The following GABRA5 variants were observed in gnomAD, a reference collection of about 807,000 sequenced individuals.
The protein encoded by GABRA5 is gamma-aminobutyric acid receptor subunit alpha-5.
A neutral mutation model predicts 47.3 loss-of-function variants in GABRA5; 18 were observed. That is an observed-to-expected ratio of 0.38 (90% CI 0.26 to 0.56). The LOEUF (loss-of-function observed/expected upper bound fraction) is 0.56. GABRA5 is among the 20% of genes least tolerant of loss of function. The probability of loss-of-function intolerance (pLI) is 0.71; values close to 1 mark genes in which losing one functional copy is unlikely to be tolerated. For missense variants in GABRA5, 365 were observed against 599.3 expected, an observed-to-expected ratio of 0.61 and a Z score of 4.08; for synonymous variants, 237 against 229.3, an observed-to-expected ratio of 1.03 and a Z score of -0.30.
At chr15:26,936,618 C>T (rs1281974717) in intron 7 of GABRA5, among the ~76,000 whole-genome samples, 2 of 152,178 alleles carry the variant, frequency 1.3e-5, no homozygotes, top group East Asian at 3.9e-4. Context: ...AGTGTGACAC[C>T]AGGGGTGCAG....
chr15:26,893,164 G>A (rs1386234746), intron 6 of GABRA5, among the ~76,000 whole-genome samples: 1 of 144,150 alleles, frequency 6.9e-6, no homozygotes, highest in Non-Finnish European at 1.5e-5. Flanking sequence ...GCGTGTGTGG[G>A]GTGTGTATGT....
rs143362087 is a variant in GABRA5, at chr15:26,908,146, T to A, written c.498-6657T>A. On this transcript the variant is annotated intron_variant, in intron 6 of 10. Coordinates refer to ENST00000335625, the MANE Select transcript of GABRA5 (RefSeq NM_000810.4). ...TGTATGCATGCATATGTATTTCAGT[T>A]CTTTTTAATTGAATATTTGGATCAG... is the stretch of plus-strand genomic sequence containing the variant. Among the ~76,000 whole-genome samples the A allele has an allele frequency of 2.5e-3, 388 of 152,332 alleles. 1 individual carries two copies. The highest frequency in any genetic ancestry group is 8.9e-3 in the African/African-American group (371 of 41,566).
At chr15:26,889,983 A>C (rs904846725) in intron 6 of GABRA5, among the ~76,000 whole-genome samples, 1 of 152,240 alleles carries the variant, frequency 6.6e-6, no homozygotes, top group Non-Finnish European at 1.5e-5. Flanking sequence ...ATAGCTTTAC[A>C]ATTTTAAAAT....
intron 7 of GABRA5, among the ~76,000 whole-genome samples, chr15:26,932,763 C>T (rs1434705749): frequency 6.6e-6 from 1 of 152,152 alleles, no homozygotes; most frequent in Non-Finnish European, 1.5e-5. Flanking sequence ...TACATATATA[C>T]CGTGGAATAC....
Position 26,883,580 on chromosome 15 carries a change from C to T in GABRA5, c.497+23C>T. The T allele has an allele frequency of 3.8e-6, 2 of 529,070 alleles. No individual in the cohort carries two copies. The allele number at this position is 529,070 out of a possible 1,614,324, so 32.8% of individuals were successfully genotyped here. ...GCGGTGAGCGCCGGGCGGGGGCGGG[C>T]GGGGCCGGGGGACGGTGCGGGGCAG... On this transcript the variant is annotated intron_variant, in intron 6 of 10. Transcript: ENST00000335625. The surrounding 1 kb of genome is among the most constrained non-coding windows in gnomAD (Gnocchi z 4.8).
At chr15:26,934,598 G>A (rs779151015) in intron 7 of GABRA5, among the ~76,000 whole-genome samples, 13 of 152,128 alleles carry the variant, frequency 8.5e-5, no homozygotes, top group Admixed American at 1.3e-4. Flanking sequence ...AGTCAGGTGC[G>A]TGCTAAATAC....
At chr15:26,923,786 A>G (rs1489248226) in intron 7 of GABRA5, among the ~76,000 whole-genome samples, 1 of 152,050 alleles carries the variant, frequency 6.6e-6, no homozygotes, top group East Asian at 1.9e-4. Context: ...TCTGTTTTAC[A>G]GATTGGACAA....
intron 6 of GABRA5, among the ~76,000 whole-genome samples, chr15:26,891,289 G>A (rs1466462437): frequency 6.6e-6 from 1 of 152,186 alleles, no homozygotes; most frequent in Admixed American, 6.5e-5. Context: ...AGAAACCAGA[G>A]CTTCAGAAAT....
intron 7 of GABRA5, among the ~76,000 whole-genome samples, chr15:26,930,190 T>C (rs539992177): frequency 6.6e-6 from 1 of 152,094 alleles, no homozygotes; most frequent in South Asian, 2.1e-4. Flanking sequence ...TTTTTGTATT[T>C]TTAGTAAAGA....
intron 7 of GABRA5, among the ~76,000 whole-genome samples, chr15:26,927,142 C>T (rs969638939): frequency 1.6e-4 from 25 of 151,938 alleles, no homozygotes; most frequent in African/African-American, 5.3e-4. Flanking sequence ...CTCACACTCT[C>T]ACCCTGGCTG....
rs1266152993 is a variant in GABRA5, at chr15:26,869,208, T to C, written c.-41T>C. ...ACAAGCTGGAGAAGGGAAGAGTTAT[T>C]CCTCCATATTCACCTGCTTCAACTA... is the stretch of plus-strand genomic sequence containing the variant. On this transcript the variant is annotated 5_prime_UTR_variant, in exon 3 of 11. Coordinates refer to ENST00000335625, the MANE Select transcript of GABRA5 (RefSeq NM_000810.4). 8.5e-7 allele frequency: 1 copy of C among 1,171,006 alleles called. No homozygotes were observed. The highest frequency in any genetic ancestry group is 1.5e-5 in the African/African-American group (1 of 66,402). 72.5% of individuals were successfully genotyped at this position (1,171,006 alleles called of 1,614,324 possible). A position where few individuals can be genotyped will look rare whatever the true frequency, so the allele number is the denominator to read the frequency against.
At chr15:26,930,235 A>T (rs1894066946) in intron 7 of GABRA5, among the ~76,000 whole-genome samples, 1 of 151,400 alleles carries the variant, frequency 6.6e-6, no homozygotes. Context: ...CTGGTCACAA[A>T]CTCCTCAGGT....
chr15:26,942,432 G>A (rs1389469364), intron 9 of GABRA5, among the ~76,000 whole-genome samples: 2 of 152,212 alleles, frequency 1.3e-5, no homozygotes, highest in Admixed American at 1.3e-4. Flanking sequence ...TAGATATGGC[G>A]CTTCTGTTAC....
At chr15:26,947,813 G>A (rs1894547903) in intron 10 of GABRA5, 121 bp from the exon 11 acceptor site, 3 of 821,354 alleles carry the variant, frequency 3.7e-6, no homozygotes, top group Admixed American at 2.8e-5. Flanking sequence ...CAGTGGAGGA[G>A]GGCCCTCTCC....
intron 9 of GABRA5, among the ~76,000 whole-genome samples, chr15:26,941,649 T>C (rs1894387225): frequency 6.6e-6 from 1 of 152,132 alleles, no homozygotes; most frequent in Non-Finnish European, 1.5e-5. Flanking sequence ...ATGTATCATC[T>C]CACACTTCTG....
chr15:26,908,913 G>T (rs546571025), intron 6 of GABRA5, among the ~76,000 whole-genome samples: 1 of 152,212 alleles, frequency 6.6e-6, no homozygotes, highest in Admixed American at 6.5e-5. Flanking sequence ...TGTCACCTTT[G>T]TGAAAATGAT....
chr15:26,907,290 G>A (rs1173264165), intron 6 of GABRA5, among the ~76,000 whole-genome samples: 1 of 152,164 alleles, frequency 6.6e-6, no homozygotes, highest in East Asian at 1.9e-4. Flanking sequence ...ATTCTTATTT[G>A]AAAGACTTTA....
At chr15:26,870,646 C>T (rs1042389015) in intron 3 of GABRA5, among the ~76,000 whole-genome samples, 11 of 151,804 alleles carry the variant, frequency 7.2e-5, no homozygotes, top group Non-Finnish European at 1.6e-4. Context: ...CTTCCCATGC[C>T]TTCAGATTTT....
At chr15:26,900,098 A>G in intron 6 of GABRA5, among the ~76,000 whole-genome samples, 1 of 152,132 alleles carries the variant, frequency 6.6e-6, no homozygotes, top group East Asian at 1.9e-4. Flanking sequence ...ATTAACATCT[A>G]AATTTATAAC....
Sources: gnomAD v4.1 joint callset for allele counts (sites outside exome capture counted in the v4.1 genomes callset) on GRCh38, gnomAD v4.1.1 for gene constraint, Gnocchi (gnomAD v3.1) non-coding constraint, MANE v1.5 for transcripts, NCBI Gene and HGNC (gene_info 2026-07-23, HGNC 2026-07-21) for gene names.